ANKS1A: variants seen among roughly 807,000 people sequenced by gnomAD.
The protein encoded by ANKS1A is ankyrin repeat and sterile alpha motif domain containing 1A.
Under a neutral mutation model 120.3 loss-of-function variants are expected in ANKS1A, and 55 were observed. The ratio of observed to expected loss-of-function variants is 0.46; its 90% CI spans 0.37 to 0.57. The LOEUF is 0.57. ANKS1A is among the 20% of genes least tolerant of loss of function. The pLI is 0.00. For missense variants in ANKS1A, 1,123 were observed against 1,480.3 expected, an observed-to-expected ratio of 0.76 and a Z score of 3.96; for synonymous variants, 590 against 604.7, an observed-to-expected ratio of 0.98 and a Z score of 0.36.
chr6:34,978,358 A>G (rs1026464281), intron 3 of ANKS1A, among the ~76,000 whole-genome samples: 1 of 152,196 alleles, frequency 6.6e-6, no homozygotes, highest in South Asian at 2.1e-4. Flanking sequence ...CCAGATTAGT[A>G]GTAATAGGAT....
intron 1 of ANKS1A, among the ~76,000 whole-genome samples, chr6:34,929,112 A>G (rs1237155213): frequency 6.6e-6 from 1 of 152,252 alleles, no homozygotes; most frequent in Non-Finnish European, 1.5e-5. Context: ...CTATAAGGTG[A>G]AGATGCTAAT....
rs1776295981 is a variant in ANKS1A at position 35,057,960 on chromosome 6, C to T, written c.2078-2187C>T. Among the ~76,000 whole-genome samples the T allele has an allele frequency of 6.6e-6, 1 of 152,166 alleles. No individual in the cohort carries two copies. Among genetic ancestry groups the T allele is most frequent in the South Asian group, 2.1e-4 (1 of 4,818 alleles). On this transcript the variant is annotated intron_variant, in intron 12 of 23. Coordinates refer to ENST00000360359, the MANE Select transcript of ANKS1A (RefSeq NM_015245.3). This position sits in a 1 kb window ranked among gnomAD's most constrained non-coding sequence, Gnocchi z 4.1. ...TCTTCCTGACAAGCTGTTTCCAGCC[C>T]CTGGAGCTAGAGGTAAAGTTTCATA...
At chr6:34,978,965 G>T (rs181413956) in intron 3 of ANKS1A, among the ~76,000 whole-genome samples, 1 of 150,348 alleles carries the variant, frequency 6.7e-6, no homozygotes, top group Non-Finnish European at 1.5e-5. Flanking sequence ...GCGCAATCTC[G>T]GCTCACTGCA....
At chr6:35,078,968 G>A (rs542174184) in intron 14 of ANKS1A, among the ~76,000 whole-genome samples, 81 of 152,294 alleles carry the variant, frequency 5.3e-4, no homozygotes, top group African/African-American at 1.9e-3. Flanking sequence ...TTCACCCAGA[G>A]CCCCCTTCAT....
At chr6:34,947,911 G>T (rs1450649940) in intron 1 of ANKS1A, among the ~76,000 whole-genome samples, 1 of 152,180 alleles carries the variant, frequency 6.6e-6, no homozygotes, top group Non-Finnish European at 1.5e-5. Context: ...AATTTGGGAG[G>T]TTGATTAAAT....
At chr6:34,902,074 A>G (rs555970448) in intron 1 of ANKS1A, among the ~76,000 whole-genome samples, 5 of 152,270 alleles carry the variant, frequency 3.3e-5, no homozygotes, top group African/African-American at 1.2e-4. Flanking sequence ...ATCTATTGCT[A>G]TCTCCATAAT....
intron 1 of ANKS1A, among the ~76,000 whole-genome samples, chr6:34,956,711 T>C (rs1366583923): frequency 6.6e-6 from 1 of 152,164 alleles, no homozygotes; most frequent in African/African-American, 2.4e-5. Flanking sequence ...GGTGCTGGGA[T>C]CTCATCATTC....
At chr6:34,918,781 A>G (rs535533898) in intron 1 of ANKS1A, among the ~76,000 whole-genome samples, 2 of 152,308 alleles carry the variant, frequency 1.3e-5, no homozygotes, top group Middle Eastern at 3.4e-3. Context: ...ACGGAACACC[A>G]TGTAACTATA....
Position 34,889,262 on chromosome 6 carries a change from C to G in ANKS1A, c.-141C>G. On this transcript the variant is annotated 5_prime_UTR_variant, in exon 1 of 24. Transcript: ENST00000360359. This position sits in a 1 kb window ranked among gnomAD's most constrained non-coding sequence, Gnocchi z 5.5. ...GTGACGCCGGATCCCGGAAGTGACG[C>G]GCTCGTGGGGAAAAGGCAGGGAGGG... 1 of 1,146,368 alleles carries G rather than the reference C, an allele frequency of 8.7e-7. No individual in the cohort carries two copies. Among genetic ancestry groups the G allele is most frequent in the Non-Finnish European group, 1.1e-6 (1 of 914,084 alleles). The allele number at this position is 1,146,368 out of a possible 1,614,324, so 71.0% of individuals were successfully genotyped here. A position where few individuals can be genotyped will look rare whatever the true frequency, so the allele number is the denominator to read the frequency against.
chr6:35,038,148 C>T lies in ANKS1A; in HGVS notation c.2011-15951C>T, dbSNP rs922106970. 7 of 456,002 alleles carry T rather than the reference C, an allele frequency of 1.5e-5. No homozygotes were observed. The Admixed American group carries it at 1.6e-4, about 11-fold the overall frequency. The allele number at this position is 456,002 out of a possible 1,614,324, so 28.2% of individuals were successfully genotyped here. ...GCCTGTGCCTTTCCTCTAACTCCAA[C>T]CCGCACCCCCATCTTGTCCTACTGT... On this transcript the variant is annotated intron_variant, in intron 11 of 23. Transcript: ENST00000360359.
At chr6:35,028,387 G>A (rs1197524541) in intron 11 of ANKS1A, among the ~76,000 whole-genome samples, 1 of 152,170 alleles carries the variant, frequency 6.6e-6, no homozygotes, top group African/African-American at 2.4e-5. Flanking sequence ...GGCTGTTTCT[G>A]TGTCCTTGGA....
At chr6:34,945,992 T>A (rs897478017) in intron 1 of ANKS1A, among the ~76,000 whole-genome samples, 7 of 149,456 alleles carry the variant, frequency 4.7e-5, no homozygotes, top group Non-Finnish European at 8.9e-5. Flanking sequence ...TATTTTTTTT[T>A]TTTTTTGAGA....
intron 1 of ANKS1A, among the ~76,000 whole-genome samples, chr6:34,932,509 T>C (rs1769037521): frequency 6.6e-6 from 1 of 152,136 alleles, no homozygotes; most frequent in Non-Finnish European, 1.5e-5. Context: ...CTCAGCCTCC[T>C]GAGTAGCTGG....
intron 1 of ANKS1A, among the ~76,000 whole-genome samples, chr6:34,955,875 C>T (rs779954776): frequency 6.6e-6 from 1 of 152,118 alleles, no homozygotes; most frequent in Non-Finnish European, 1.5e-5. Context: ...ATTCTGGTGG[C>T]GCTTAATTCT....
chr6:34,936,041 G>A lies in ANKS1A; in HGVS notation c.198-31198G>A, dbSNP rs557977242. Among the ~76,000 whole-genome samples the A allele has an allele frequency of 8.0e-3, 952 of 119,676 alleles. 3 individuals are homozygous for A. The highest frequency in any genetic ancestry group is 0.011 in the Non-Finnish European group (678 of 61,956). 78.5% of individuals were successfully genotyped at this position (119,676 alleles called of 152,430 possible). A position where few individuals can be genotyped will look rare whatever the true frequency, so the allele number is the denominator to read the frequency against. ...CCCGCCACTGCACTCCAGCCTGGGC[G>A]ACAGAGCGAGACTCCGTCTCAAAAA... is the stretch of plus-strand genomic sequence containing the variant. On this transcript the variant is annotated intron_variant, in intron 1 of 23. Transcript: ENST00000360359.
At chr6:35,010,645 G>A (rs1172525738) in intron 10 of ANKS1A, among the ~76,000 whole-genome samples, 1 of 152,098 alleles carries the variant, frequency 6.6e-6, no homozygotes, top group Non-Finnish European at 1.5e-5. Context: ...TGGGGGCAAT[G>A]GACAAACAGT....
chr6:34,962,284 A>G (rs1052439333), intron 1 of ANKS1A, among the ~76,000 whole-genome samples: 1 of 152,222 alleles, frequency 6.6e-6, no homozygotes, highest in African/African-American at 2.4e-5. Flanking sequence ...CCTTGTCTTC[A>G]CCATCCTTAG....
chr6:34,935,699 C>T (rs1451412124), intron 1 of ANKS1A, among the ~76,000 whole-genome samples: 4 of 152,154 alleles, frequency 2.6e-5, no homozygotes, highest in South Asian at 2.1e-4. Context: ...TGGTACTTAA[C>T]GTGTTCAGCT....
At chr6:34,973,063 T>C (rs1771266662) in intron 3 of ANKS1A, among the ~76,000 whole-genome samples, 1 of 152,198 alleles carries the variant, frequency 6.6e-6, no homozygotes, top group African/African-American at 2.4e-5. Flanking sequence ...TTAACCTACT[T>C]TCTATCTGTC....
Sources: allele counts gnomAD v4.1 joint callset (sites outside exome capture counted in the v4.1 genomes callset), GRCh38; gene constraint gnomAD v4.1.1; non-coding constraint Gnocchi (gnomAD v3.1); transcripts MANE v1.5; gene names NCBI Gene and HGNC (gene_info 2026-07-23, HGNC 2026-07-21).